The following GPLD1 variants were observed in gnomAD, a reference collection of about 807,000 sequenced individuals.
GPLD1 encodes glycosylphosphatidylinositol specific phospholipase D1.
A neutral mutation model predicts 112.6 loss-of-function variants in GPLD1; 84 were observed. That is an observed-to-expected ratio of 0.75 (90% CI 0.63 to 0.89). The LOEUF is 0.89. Ranked by LOEUF, GPLD1 falls within the 40% of genes least tolerant of loss-of-function variation. The pLI is 0.00. For missense variants in GPLD1, 1,044 were observed against 1,051.5 expected (o/e 0.99, Z 0.10); for synonymous variants, 386 against 403.8 (o/e 0.96, Z 0.53).
At chr6:24,476,325 G>A (rs760904) in intron 3 of GPLD1, 47 bp from the exon 4 acceptor site, 736,172 of 989,378 alleles carry the variant, frequency 0.74, 279,734 homozygotes, top group Non-Finnish European at 0.81. Context: ...AAAAGTTGGA[G>A]AGTCTCAATC....
chr6:24,492,818 G>A (rs1764591554), upstream of GPLD1, among the ~76,000 whole-genome samples: 1 of 152,198 alleles, frequency 6.6e-6, no homozygotes, highest in Non-Finnish European at 1.5e-5. Flanking sequence ...GCCACATTGT[G>A]AACTTTCTAA....
chr6:24,446,974 G>C lies in GPLD1; in HGVS notation c.1684C>G (p.Leu562Val), dbSNP rs148782320. 2.4e-4 allele frequency: 395 copies of C among 1,613,154 alleles called. No homozygotes were observed. The highest frequency in any genetic ancestry group is 1.5e-3 in the Middle Eastern group (9 of 6,052). Residue 562 changes from leucine (L) to valine (V), a missense_variant, in exon 18 of 25, where the codon CTG (leucine) becomes GTG (valine). Leu to Val is a conservative substitution (Grantham distance 32). Coordinates refer to ENST00000230036, the MANE Select transcript of GPLD1 (RefSeq NM_001503.4). ...GTCCAGTTGGCTGCCTCCACGTTCA[G>C]TTTTTCTAAAGAAGACAACTCATCC... ...SGPSLSDKEK[L>V]NVEAANWTVR...
Position 24,428,926 on chromosome 6 carries a change from T to C in GPLD1, c.*106A>G, listed in dbSNP as rs532153101. On this transcript the variant is annotated 3_prime_UTR_variant, in exon 25 of 25. Transcript: ENST00000230036. ...CCCAGGAGCCCCATGTCTATCAGGA[T>C]CTACCACCGCTCCACTGGATGTGCC... 7.4e-6 allele frequency: 5 copies of C among 675,022 alleles called. No homozygotes were observed. In the South Asian group the frequency reaches 1.1e-4, roughly 15 times the overall value. 41.8% of individuals were successfully genotyped at this position (675,022 alleles called of 1,614,324 possible). A position where few individuals can be genotyped will look rare whatever the true frequency, so the allele number is the denominator to read the frequency against.
Position 24,460,448 on chromosome 6 carries a change from C to T in GPLD1, c.888-49G>A, listed in dbSNP as rs545921373. On this transcript the variant is annotated intron_variant, in intron 11 of 24. Transcript: ENST00000230036. ...ACTGGTTACGACTGAGAAAACAACC[C>T]CCTGTAAAACTGAGTTGAAGAATAT... 11 of 1,593,770 alleles carry T rather than the reference C, an allele frequency of 6.9e-6. No individual in the cohort carries two copies. The African/African-American group carries it at 1.2e-4, about 18-fold the overall frequency.
chr6:24,485,181 A>G (rs989716376), intron 2 of GPLD1, among the ~76,000 whole-genome samples: 9 of 152,222 alleles, frequency 5.9e-5, no homozygotes, highest in Admixed American at 3.3e-4. Flanking sequence ...TTTGTGCTCA[A>G]CACACAGTAA....
chr6:24,456,323 G>C (rs1763267674), intron 13 of GPLD1, among the ~76,000 whole-genome samples, 175 bp downstream of exon 13: 1 of 152,138 alleles, frequency 6.6e-6, no homozygotes, highest in Admixed American at 6.5e-5. Flanking sequence ...CTTGAACCTG[G>C]GAGGCAGAGG....
At position 24,463,936 on chromosome 6, in the gene GPLD1, G is replaced by A. The variant is rs184258374; in HGVS notation, c.822-1141C>T. ...TTTACACCTTGGTAAATTGGGACAG[G>A]GATCAAGAGACAAGAAATATGTTCT... On this transcript the variant is annotated intron_variant, in intron 10 of 24. Transcript: ENST00000230036. 1.0e-3 allele frequency among the ~76,000 whole-genome samples: 156 copies of A among 152,196 alleles called. 1 individual carries two copies. The Middle Eastern group carries it at 0.017, about 17-fold the overall frequency.
rs1235769589 is a variant in GPLD1 at position 24,426,164 on chromosome 6, TTGAAA to T, written c.*2863_*2867del. ...AAATATGTAAATGTCTTCTGATATC[TTGAAA>T]TAAAGATAAATTTCAGTTAAACTTG... is the stretch of plus-strand genomic sequence containing the variant. On this transcript the variant is annotated 3_prime_UTR_variant, in exon 25 of 25. Coordinates refer to ENST00000230036, the MANE Select transcript of GPLD1 (RefSeq NM_001503.4). 1 of 152,248 alleles carries T rather than the reference TTGAAA, an allele frequency of 6.6e-6. No individual in the cohort carries two copies. The highest frequency in any genetic ancestry group is 1.5e-5 in the Non-Finnish European group (1 of 68,040). The allele number at this position is 152,248 out of a possible 1,614,324, so 9.4% of individuals were successfully genotyped here.
In GPLD1 at chr6:24,467,290, T is replaced by C; in HGVS notation, c.546-16A>G. 7.5e-7 allele frequency: 1 copy of C among 1,335,982 alleles called. No individual in the cohort carries two copies. Among genetic ancestry groups the C allele is most frequent in the Non-Finnish European group, 1.1e-6 (1 of 927,308 alleles). The allele number at this position is 1,335,982 out of a possible 1,614,324, so 82.8% of individuals were successfully genotyped here. A position where few individuals can be genotyped will look rare whatever the true frequency, so the allele number is the denominator to read the frequency against. On this transcript the variant is annotated splice_polypyrimidine_tract_variant and intron_variant, in intron 7 of 24. Transcript: ENST00000230036. ...TGGCACATACCTGAAAAATGCAGAA[T>C]AAAGTAAGAGTTGTTTTGATTCTGA...
At position 24,436,656 on chromosome 6, in the gene GPLD1, C is replaced by T. The variant is rs1295439495; in HGVS notation, c.2278G>A (p.Val760Ile). The T allele has an allele frequency of 6.2e-7, 1 of 1,613,938 alleles. No individual in the cohort carries two copies. Among genetic ancestry groups the T allele is most frequent in the African/African-American group, 1.3e-5 (1 of 75,054 alleles). Residue 760 changes from valine (V) to isoleucine (I), a missense_variant, in exon 22 of 25, where the codon GTA becomes ATA. By Grantham distance (29) the Val-to-Ile change is conservative. Transcript: ENST00000230036. Reference protein sequence around the residue: ...LIGGEDGRVYVYNGKETTLGD... With the variant: ...LIGGEDGRVYIYNGKETTLGD... ...AGGGTGGTCTCTTTGCCATTATATA[C>T]ATATACTCGGCCGTCTTCTCCCCCA...
chr6:24,478,877 A>C (rs1050991273), intron 3 of GPLD1, among the ~76,000 whole-genome samples: 1 of 152,048 alleles, frequency 6.6e-6, no homozygotes, highest in Non-Finnish European at 1.5e-5. Context: ...CCAATTACTC[A>C]GTTTGAGTGT....
intron 1 of GPLD1, 24 bp from the exon 2 acceptor site, chr6:24,486,154 C>T (rs368517488): frequency 2.9e-6 from 4 of 1,357,142 alleles, no homozygotes; most frequent in Non-Finnish European, 4.2e-6. Flanking sequence ...ATACATAAAT[C>T]AATTAAGTTC....
intron 7 of GPLD1, among the ~76,000 whole-genome samples, 183 bp from the exon 8 acceptor site, chr6:24,467,457 G>A (rs140624426): frequency 0.01 from 1,536 of 152,170 alleles, 10 homozygotes; most frequent in Non-Finnish European, 0.016. Context: ...TCATATTCCC[G>A]TTTTACATAA....
chr6:24,466,625 G>A (rs1342611437), intron 10 of GPLD1, 55 bp downstream of exon 10: 4 of 1,438,538 alleles, frequency 2.8e-6, no homozygotes, highest in Non-Finnish European at 2.9e-6. Context: ...TTATGTTGGG[G>A]GATGGGGTAA....
chr6:24,452,771 C>T (rs1244418549), intron 14 of GPLD1, among the ~76,000 whole-genome samples: 1 of 93,072 alleles, frequency 1.1e-5, no homozygotes, highest in African/African-American at 4.9e-5. Context: ...GAGAGTTTAT[C>T]TCAAAAAAAA....
At chr6:24,461,044 G>A (rs1262096304) in intron 11 of GPLD1, among the ~76,000 whole-genome samples, 1 of 152,046 alleles carries the variant, frequency 6.6e-6, no homozygotes, top group Non-Finnish European at 1.5e-5. Context: ...CGCCCAGCCA[G>A]CATACTGATT....
chr6:24,447,534 CAAT>C (rs1316149351), intron 17 of GPLD1, among the ~76,000 whole-genome samples: 2 of 151,266 alleles, frequency 1.3e-5, no homozygotes, highest in African/African-American at 2.4e-5. Flanking sequence ...GAAAAAACAA[CAAT>C]AACAACAACA....
At chr6:24,440,581 CA>C (rs58480061) in intron 20 of GPLD1, among the ~76,000 whole-genome samples, 4 of 118,518 alleles carry the variant, frequency 3.4e-5, no homozygotes, top group Non-Finnish European at 3.5e-5. Flanking sequence ...AAAAAATACT[CA>C]AAAAAAAAAA....
chr6:24,473,851 G>A (rs1382422609), intron 5 of GPLD1, among the ~76,000 whole-genome samples, 184 bp from the exon 6 acceptor site: 2 of 152,094 alleles, frequency 1.3e-5, no homozygotes, highest in African/African-American at 2.4e-5. Context: ...AAGGCAGGGC[G>A]CGGTAGCTCA....
Sources: allele counts gnomAD v4.1 joint callset (sites outside exome capture counted in the v4.1 genomes callset), GRCh38; gene constraint gnomAD v4.1.1; transcripts MANE v1.5; gene names NCBI Gene and HGNC (gene_info 2026-07-23, HGNC 2026-07-21).